CNTNAP2: variants seen among roughly 807,000 people sequenced by gnomAD.
The protein encoded by CNTNAP2 is contactin associated protein 2.
A neutral mutation model predicts 155.2 loss-of-function variants in CNTNAP2; 98 were observed. That is an observed-to-expected ratio of 0.63 (90% CI 0.54 to 0.75). The LOEUF (loss-of-function observed/expected upper bound fraction) is 0.75. Among genes scored for constraint, CNTNAP2 ranks in the 30% least tolerant of loss-of-function variants. The probability of loss-of-function intolerance (pLI) is 0.00; values close to 1 mark genes in which losing one functional copy is unlikely to be tolerated. For missense variants in CNTNAP2, 1,727 were observed against 1,688.1 expected (o/e 1.02, Z -0.40); for synonymous variants, 651 against 631.2 (o/e 1.03, Z -0.47).
chr7:148,095,532 A>G (rs574601744), intron 15 of CNTNAP2, among the ~76,000 whole-genome samples: 1 of 152,370 alleles, frequency 6.6e-6, no homozygotes, highest in African/African-American at 2.4e-5. Context: ...CATCAGAGGC[A>G]GCTGAGATCC....
intron 21 of CNTNAP2, among the ~76,000 whole-genome samples, chr7:148,343,402 C>T (rs918448494): frequency 7.2e-5 from 11 of 152,318 alleles, no homozygotes; most frequent in South Asian, 2.1e-4. Flanking sequence ...ATTTATGTTT[C>T]GACGTCCAGT....
chr7:147,072,549 G>T (rs998061442), intron 4 of CNTNAP2, among the ~76,000 whole-genome samples: 2 of 152,122 alleles, frequency 1.3e-5, no homozygotes, highest in Non-Finnish European at 2.9e-5. Flanking sequence ...GTGAGACCTG[G>T]CAGCCTAGAC....
intron 20 of CNTNAP2, among the ~76,000 whole-genome samples, chr7:148,252,448 C>T (rs1419862907): frequency 6.6e-6 from 1 of 152,144 alleles, no homozygotes; most frequent in African/African-American, 2.4e-5. Context: ...TTTCTGCTTC[C>T]AGGTGCTTTC....
chr7:148,229,385 C>G (rs994604178), intron 19 of CNTNAP2, among the ~76,000 whole-genome samples: 1 of 152,018 alleles, frequency 6.6e-6, no homozygotes, highest in Admixed American at 6.5e-5. Flanking sequence ...ATTAGCCAGG[C>G]GTGGTGGCAG....
intron 2 of CNTNAP2, among the ~76,000 whole-genome samples, chr7:146,831,444 G>A (rs1803508591): frequency 6.6e-6 from 1 of 151,984 alleles, no homozygotes; most frequent in Non-Finnish European, 1.5e-5. Context: ...TTGGGAAGCC[G>A]AGGTGGGCGG....
intron 14 of CNTNAP2, among the ~76,000 whole-genome samples, chr7:147,912,483 G>T (rs979305410): frequency 6.6e-6 from 1 of 152,148 alleles, no homozygotes; most frequent in Non-Finnish European, 1.5e-5. Context: ...TGGAGAGATG[G>T]AGAGGGCCCC....
At chr7:146,385,886 A>G (rs922195467) in intron 1 of CNTNAP2, among the ~76,000 whole-genome samples, 13 of 152,264 alleles carry the variant, frequency 8.5e-5, no homozygotes, top group Admixed American at 7.9e-4. Context: ...GGATAGATAA[A>G]GTAAACCACC....
chr7:147,747,589 T>C (rs1024624025), intron 13 of CNTNAP2, among the ~76,000 whole-genome samples: 4 of 152,184 alleles, frequency 2.6e-5, no homozygotes, highest in African/African-American at 9.6e-5. Context: ...ATATACTGAT[T>C]TCTTTTCTTT....
chr7:147,129,793 G>A (rs1225254015), intron 7 of CNTNAP2, among the ~76,000 whole-genome samples: 1 of 151,980 alleles, frequency 6.6e-6, no homozygotes. Flanking sequence ...GGTTGAATAT[G>A]GAAGGTTTAA....
intron 10 of CNTNAP2, among the ~76,000 whole-genome samples, chr7:147,407,831 A>G (rs1007137514): frequency 2.6e-5 from 4 of 152,234 alleles, no homozygotes; most frequent in African/African-American, 9.6e-5. Flanking sequence ...AAGTAGGTTG[A>G]ACTTCAGAGG....
chr7:147,075,549 TAAC>T (rs1224932329), intron 4 of CNTNAP2, among the ~76,000 whole-genome samples: 1 of 152,164 alleles, frequency 6.6e-6, no homozygotes, highest in African/African-American at 2.4e-5. Flanking sequence ...CATTCCAGAC[TAAC>T]AATAATAATA....
chr7:147,410,712 A>C (rs1470613093), intron 10 of CNTNAP2, among the ~76,000 whole-genome samples: 2 of 150,644 alleles, frequency 1.3e-5, no homozygotes, highest in Admixed American at 6.7e-5. Context: ...TGTTAGTGTA[A>C]AATGCACAAC....
At chr7:146,457,828 T>C (rs903282050) in intron 1 of CNTNAP2, among the ~76,000 whole-genome samples, 3 of 151,930 alleles carry the variant, frequency 2.0e-5, no homozygotes, top group Non-Finnish European at 4.4e-5. Flanking sequence ...TATGTTTAAT[T>C]TGCAAAAATT....
At chr7:147,324,160 G>A (rs1795408723) in intron 9 of CNTNAP2, among the ~76,000 whole-genome samples, 1 of 152,044 alleles carries the variant, frequency 6.6e-6, no homozygotes, top group South Asian at 2.1e-4. Flanking sequence ...AAAGAAGTAA[G>A]GTGTATTAGG....
chr7:146,949,521 T>A (rs2129227530), intron 3 of CNTNAP2, among the ~76,000 whole-genome samples: 1 of 152,308 alleles, frequency 6.6e-6, no homozygotes, highest in East Asian at 1.9e-4. Context: ...ATCACCATCC[T>A]TTTCAAAGCT....
chr7:147,933,817 C>T (rs1380835808), intron 14 of CNTNAP2, among the ~76,000 whole-genome samples: 4 of 152,114 alleles, frequency 2.6e-5, no homozygotes, highest in African/African-American at 7.2e-5. Context: ...GAGCCAAGAT[C>T]GCACCATTGC....
chr7:147,939,742 T>C (rs1018327843), intron 14 of CNTNAP2, among the ~76,000 whole-genome samples: 6 of 152,158 alleles, frequency 3.9e-5, no homozygotes, highest in Non-Finnish European at 1.5e-5. Context: ...TATCATTATA[T>C]TCTGATCAAA....
chr7:147,139,221 T>C (rs1801549581), intron 8 of CNTNAP2, among the ~76,000 whole-genome samples: 1 of 152,084 alleles, frequency 6.6e-6, no homozygotes, highest in Non-Finnish European at 1.5e-5. Flanking sequence ...ACATATACAA[T>C]GTGGTCCTTT....
Position 148,179,772 on chromosome 7 carries a change from G to GAAA in CNTNAP2, c.3010+7295_3010+7296insAAA, listed in dbSNP as rs1237628433. ...AAGGAGAGAGAGAGAAGCAGAGAAA[G>GAAA]AGAAGAAAAGAAAAGAAAGGTCCCA... is the stretch of plus-strand genomic sequence containing the variant. On this transcript the variant is annotated intron_variant, in intron 18 of 23. Transcript: ENST00000361727. 6.6e-5 allele frequency among the ~76,000 whole-genome samples: 10 copies of GAAA among 152,056 alleles called. No individual in the cohort carries two copies. The South Asian group carries it at 1.2e-3, about 19-fold the overall frequency.
Sources: gnomAD v4.1 joint callset for allele counts (sites outside exome capture counted in the v4.1 genomes callset) on GRCh38, gnomAD v4.1.1 for gene constraint, MANE v1.5 for transcripts, NCBI Gene and HGNC (gene_info 2026-07-23, HGNC 2026-07-21) for gene names.